GALNTL6: variants seen among roughly 807,000 people sequenced by gnomAD.
GALNTL6 encodes the protein polypeptide N-acetylgalactosaminyltransferase like 6.
GALNTL6 carries 46 observed loss-of-function variants against 73.7 expected under a neutral mutation model. The ratio of observed to expected loss-of-function variants is 0.62; its 90% CI spans 0.49 to 0.80. GALNTL6 has a LOEUF of 0.80. Among genes scored for constraint, GALNTL6 ranks in the 30% least tolerant of loss-of-function variants. The pLI, the probability that GALNTL6 is intolerant of heterozygous loss-of-function variation, is 0.00. For synonymous variants in GALNTL6, 259 were observed against 263.7 expected (o/e 0.98, Z 0.17); for missense variants, 604 against 755.0 (o/e 0.80, Z 2.34).
intron 7 of GALNTL6, among the ~76,000 whole-genome samples, chr4:172,845,216 CAAAAA>C (rs11336973): frequency 5.5e-5 from 5 of 91,060 alleles, no homozygotes; most frequent in Admixed American, 1.1e-4. Context: ...GTCTCTGTCT[CAAAAA>C]AAAAAAAAAA....
At chr4:171,819,875 C>A (rs932345261) in intron 2 of GALNTL6, among the ~76,000 whole-genome samples, 5 of 152,032 alleles carry the variant, frequency 3.3e-5, no homozygotes, top group African/African-American at 1.2e-4. Flanking sequence ...CTAAGGAGAC[C>A]ATGTTCTTTT....
intron 9 of GALNTL6, among the ~76,000 whole-genome samples, chr4:172,936,745 G>T (rs1748640495): frequency 1.3e-5 from 2 of 152,172 alleles, no homozygotes; most frequent in South Asian, 2.1e-4. Context: ...CTAACTATAA[G>T]AACCATCCAA....
intron 7 of GALNTL6, among the ~76,000 whole-genome samples, chr4:172,870,821 A>T (rs757302202): frequency 6.6e-6 from 1 of 152,220 alleles, no homozygotes; most frequent in Non-Finnish European, 1.5e-5. Context: ...CCAGGATTAA[A>T]ATAAGAAAGT....
intron 2 of GALNTL6, among the ~76,000 whole-genome samples, chr4:172,156,886 C>T (rs957252978): frequency 1.3e-5 from 2 of 151,922 alleles, no homozygotes; most frequent in African/African-American, 2.4e-5. Context: ...TTTCCTATTA[C>T]AACTAACCAT....
At chr4:172,992,630 T>G (rs1027305769) in intron 10 of GALNTL6, among the ~76,000 whole-genome samples, 1 of 152,142 alleles carries the variant, frequency 6.6e-6, no homozygotes, top group African/African-American at 2.4e-5. Flanking sequence ...TAGAATCTGC[T>G]GCTTTTAATT....
chr4:172,660,083 A>G (rs1220337161), intron 5 of GALNTL6, among the ~76,000 whole-genome samples: 3 of 152,236 alleles, frequency 2.0e-5, no homozygotes, highest in African/African-American at 7.2e-5. Flanking sequence ...GTATTTTAAA[A>G]TGTTCAGAAA....
intron 2 of GALNTL6, among the ~76,000 whole-genome samples, chr4:171,891,338 T>G (rs4124044): frequency 0.54 from 81,850 of 152,094 alleles, 23,452 homozygotes; most frequent in African/African-American, 0.75. Flanking sequence ...TTGGAGTCTG[T>G]TTCTTCAATC....
chr4:172,687,502 C>A (rs770404032), intron 5 of GALNTL6, among the ~76,000 whole-genome samples: 32 of 151,854 alleles, frequency 2.1e-4, no homozygotes, highest in Non-Finnish European at 4.0e-4. Context: ...GAGGCGTGTA[C>A]CTGTAATCCC....
At chr4:172,886,756 A>T in intron 8 of GALNTL6, among the ~76,000 whole-genome samples, 1 of 147,022 alleles carries the variant, frequency 6.8e-6, no homozygotes, top group East Asian at 2.0e-4. Context: ...AGAGCAAAAA[A>T]CTCCATCTCA....
At chr4:172,990,089 G>T (rs1751473764) in intron 10 of GALNTL6, among the ~76,000 whole-genome samples, 1 of 152,134 alleles carries the variant, frequency 6.6e-6, no homozygotes, top group Non-Finnish European at 1.5e-5. Context: ...CTCCCAAGGG[G>T]CTTTTATTGG....
At chr4:171,979,641 C>G (rs58548143) in intron 2 of GALNTL6, among the ~76,000 whole-genome samples, 3,550 of 152,130 alleles carry the variant, frequency 0.023, 150 homozygotes, top group African/African-American at 0.081. Flanking sequence ...AAGGCAGTTG[C>G]CAAGGTTCAT....
chr4:172,581,233 G>T (rs973676092), intron 5 of GALNTL6, among the ~76,000 whole-genome samples: 4 of 152,204 alleles, frequency 2.6e-5, no homozygotes, highest in Non-Finnish European at 5.9e-5. Context: ...GTACAACTAT[G>T]CAAAATCATC....
At chr4:172,012,125 T>G (rs955492485) in intron 2 of GALNTL6, among the ~76,000 whole-genome samples, 7 of 152,082 alleles carry the variant, frequency 4.6e-5, no homozygotes, top group Admixed American at 3.3e-4. Flanking sequence ...GCCACGCATT[T>G]AGGGCCATAA....
At chr4:172,101,226 T>G (rs2110960547) in intron 2 of GALNTL6, among the ~76,000 whole-genome samples, 1 of 152,238 alleles carries the variant, frequency 6.6e-6, no homozygotes, top group South Asian at 2.1e-4. Context: ...CTAACCCAGG[T>G]TACCTTCCTC....
intron 5 of GALNTL6, among the ~76,000 whole-genome samples, chr4:172,658,166 A>AAAAAAAAAAAAG (rs1439296482): frequency 7.5e-5 from 9 of 120,384 alleles, no homozygotes; most frequent in Non-Finnish European, 1.0e-4. Flanking sequence ...AAAAAAAAAA[A>AAAAAAAAAAAAG]AAAGAAATAT....
chr4:171,990,040 G>T (rs1382703017), intron 2 of GALNTL6, among the ~76,000 whole-genome samples: 3 of 152,236 alleles, frequency 2.0e-5, no homozygotes, highest in Non-Finnish European at 4.4e-5. Flanking sequence ...AGGAGGGGAG[G>T]TGATAAAAGG....
intron 2 of GALNTL6, among the ~76,000 whole-genome samples, chr4:172,103,789 G>A (rs2110965247): frequency 6.6e-6 from 1 of 152,252 alleles, no homozygotes; most frequent in African/African-American, 2.4e-5. Context: ...GATCTGACCT[G>A]GAGTCTCATT....
At chr4:172,344,592 G>A (rs922232978) in intron 4 of GALNTL6, among the ~76,000 whole-genome samples, 2 of 152,140 alleles carry the variant, frequency 1.3e-5, no homozygotes, top group African/African-American at 4.8e-5. Context: ...CCGGTCTTGT[G>A]ATTAACAATA....
At chr4:172,871,953 C>T (rs1050988162) in intron 7 of GALNTL6, among the ~76,000 whole-genome samples, 4 of 151,982 alleles carry the variant, frequency 2.6e-5, no homozygotes, top group African/African-American at 7.3e-5. Context: ...GCCACCATGC[C>T]CGGCTAATAT....
Sources: allele counts gnomAD v4.1 joint callset (sites outside exome capture counted in the v4.1 genomes callset), GRCh38; gene constraint gnomAD v4.1.1; transcripts MANE v1.5; gene names NCBI Gene and HGNC (gene_info 2026-07-23, HGNC 2026-07-21).